Variants in USP20 observed in about 807,000 individuals in gnomAD.
The protein encoded by USP20 is ubiquitin specific peptidase 20.
Under a neutral mutation model 124.2 loss-of-function variants are expected in USP20, and 80 were observed. That is an observed-to-expected ratio of 0.64 (90% CI 0.54 to 0.78). USP20 has a LOEUF of 0.78. USP20 is among the 30% of genes least tolerant of loss of function. The pLI is 0.00. For synonymous variants in USP20, 481 were observed against 512.3 expected (o/e 0.94, Z 0.83); for missense variants, 1,043 against 1,244.4 (o/e 0.84, Z 2.44).
At position 129,868,289 on chromosome 9, in the gene USP20, G is replaced by A. The variant is rs747364492; in HGVS notation, c.975G>A (p.Glu325=). ...DEAGRAISEK[E]RMKDRKFSWG... ...CGGGCCGAGCCATCTCTGAGAAGGA[G>A]CGGATGAAGGACCGCAAGTTCTCCT... The change falls in exon 11 of 26, where the codon GAG becomes GAA. Residue 325 remains glutamate (E), a synonymous_variant. Transcript: ENST00000372429. 16 of 1,614,028 alleles carry A rather than the reference G, an allele frequency of 9.9e-6. No homozygotes were observed. Among genetic ancestry groups the A allele is most frequent in the Non-Finnish European group, 1.4e-5 (16 of 1,179,984 alleles).
chr9:129,846,170 C>T (rs959729927), intron 1 of USP20, among the ~76,000 whole-genome samples: 1 of 149,824 alleles, frequency 6.7e-6, no homozygotes, highest in African/African-American at 2.5e-5. Flanking sequence ...ACCTCATGGT[C>T]CTCCCGCCTC....
At chr9:129,860,518 C>G (rs554374315) in intron 6 of USP20, among the ~76,000 whole-genome samples, 1 of 152,108 alleles carries the variant, frequency 6.6e-6, no homozygotes, top group African/African-American at 2.4e-5. Flanking sequence ...TATCCTAACA[C>G]TTTGGGAGGA....
At chr9:129,860,115 G>A (rs2033459670) in intron 6 of USP20, among the ~76,000 whole-genome samples, 1 of 152,088 alleles carries the variant, frequency 6.6e-6, no homozygotes, top group South Asian at 2.1e-4. Flanking sequence ...CAGATCACGA[G>A]GTCAGGAGAT....
At chr9:129,846,248 T>TATATATATATATATA (rs1491285186) in intron 1 of USP20, among the ~76,000 whole-genome samples, 7 of 40,606 alleles carry the variant, frequency 1.7e-4, no homozygotes, top group South Asian at 1.5e-3. Context: ...TATATATATA[T>TATATATATATATATA]TTTTTTTTTT....
At chr9:129,871,298 T>C (rs1431583223) in intron 15 of USP20, among the ~76,000 whole-genome samples, 1 of 150,840 alleles carries the variant, frequency 6.6e-6, no homozygotes, top group Non-Finnish European at 1.5e-5. Flanking sequence ...CGGCTTTTAC[T>C]GAGCATAACG....
rs1411344792 is a variant in USP20 at position 129,874,973 on chromosome 9, C to A, written c.2048+18C>A. On this transcript the variant is annotated intron_variant, in intron 19 of 25. Coordinates refer to ENST00000372429, the MANE Select transcript of USP20 (RefSeq NM_001110303.4). The stretch of plus-strand genomic sequence containing the variant: ...TTCTACAGGTGGGCGCTGGGCCAGG[C>A]CTGGTGGAGGAACCTCACCATCCCC... 1.9e-6 allele frequency: 3 copies of A among 1,611,286 alleles called. No individual in the cohort carries two copies. The highest frequency in any genetic ancestry group is 2.5e-6 in the Non-Finnish European group (3 of 1,179,026).
At chr9:129,872,658 C>T (rs1217082489) in intron 15 of USP20, among the ~76,000 whole-genome samples, 1 of 152,088 alleles carries the variant, frequency 6.6e-6, no homozygotes, top group Non-Finnish European at 1.5e-5. Context: ...AGTTTTAGGT[C>T]TTATATTGAG....
At chr9:129,852,413 C>A in intron 2 of USP20, 127 bp from the exon 3 acceptor site, 1 of 731,028 alleles carries the variant, frequency 1.4e-6, no homozygotes, top group South Asian at 1.8e-5. Flanking sequence ...AGCAACTTCC[C>A]TGCGTTACCA....
chr9:129,852,497 C>T (rs759913538), intron 2 of USP20, 43 bp from the exon 3 acceptor site: 8 of 1,537,588 alleles, frequency 5.2e-6, no homozygotes, highest in Non-Finnish European at 7.1e-6. Context: ...CTCCTGCCAA[C>T]ACTGGCTGCC....
In USP20 at chr9:129,868,954, C is replaced by A; in HGVS notation, c.1228C>A (p.Pro410Thr). 1 of 1,612,876 alleles carries A rather than the reference C, an allele frequency of 6.2e-7. No homozygotes were observed. Among genetic ancestry groups the A allele is most frequent in the Non-Finnish European group, 8.5e-7 (1 of 1,179,392 alleles). ...CCATGCCAAGCTGTCTAGCAGCCCC[C>A]CTCGTGCAAGCCCCGTGAGGATGGC... is the stretch of plus-strand genomic sequence containing the variant. ...EGHAKLSSSP[P>T]RASPVRMAPS... is the part of the protein sequence containing the mutation. Residue 410 changes from proline (P) to threonine (T), a missense_variant, in exon 12 of 26, where the codon CCT becomes ACT. Transcript: ENST00000372429.
At position 129,870,546 on chromosome 9, in the gene USP20, G is replaced by T. The variant is rs201027017; in HGVS notation, c.1659G>T (p.Lys553Asn). 155 of 1,614,026 alleles carry T rather than the reference G, an allele frequency of 9.6e-5. No individual in the cohort carries two copies. The highest frequency in any genetic ancestry group is 1.2e-4 in the Non-Finnish European group (145 of 1,180,012). ...LAAFFAADEL[K>N]GDNMYSCERC... ...CCTTCTTTGCCGCTGATGAGTTAAA[G>T]GGTGAGGGGCCTGGCTGGCAAGGGT... is the stretch of plus-strand genomic sequence containing the variant. Residue 553 changes from lysine (K) to asparagine (N), a missense_variant and splice_region_variant, in exon 15 of 26, where the codon AAG (lysine) becomes AAT (asparagine). Transcript: ENST00000372429.
intron 10 of USP20, 125 bp from the exon 11 acceptor site, chr9:129,867,880 C>T (rs977350039): frequency 3.3e-6 from 4 of 1,220,994 alleles, no homozygotes; most frequent in Admixed American, 2.7e-5. Flanking sequence ...GTGAGCAACT[C>T]TTCTGCAGGG....
Position 129,858,557 on chromosome 9 carries a change from G to C in USP20, c.289G>C (p.Ala97Pro), listed in dbSNP as rs1433835611. ...EKEVFLEQRL[A>P]APLLGSSSKF... ...GGAGGTATTCCTGGAGCAGCGGCTG[G>C]CAGCCCCTCTGCTGGGCTCCTCTTC... Residue 97 changes from alanine to proline, a missense_variant, in exon 6 of 26, where the codon GCA (alanine) becomes CCA (proline). Ala to Pro is a conservative substitution (Grantham distance 27, BLOSUM62 -1). Transcript: ENST00000372429. 4 of 1,614,170 alleles carry C rather than the reference G, an allele frequency of 2.5e-6. No homozygotes were observed. Among genetic ancestry groups the C allele is most frequent in the Non-Finnish European group, 2.5e-6 (3 of 1,180,012 alleles).
intron 9 of USP20, 78 bp from the exon 10 acceptor site, chr9:129,865,225 G>A (rs371391282): frequency 1.2e-5 from 18 of 1,489,354 alleles, no homozygotes; most frequent in African/African-American, 4.1e-5. Flanking sequence ...CCAGCCTGAC[G>A]GGCTGGCTGC....
rs576888574 is a variant in USP20, at chr9:129,850,906, G to A, written c.-17+982G>A. 1.9e-4 allele frequency among the ~76,000 whole-genome samples: 29 copies of A among 152,072 alleles called. 1 individual carries two copies. In the East Asian group the frequency reaches 5.0e-3, roughly 26 times the overall value. On this transcript the variant is annotated intron_variant, in intron 2 of 25. Transcript: ENST00000372429. ...TGACCTCAGGTGATCTGCCCGCCTC[G>A]GCCTCCCAAAGTGCTAGGATTACAG...
At chr9:129,872,895 A>C (rs7848326) in intron 15 of USP20, among the ~76,000 whole-genome samples, 144,665 of 151,836 alleles carry the variant, frequency 0.95, 69,316 homozygotes, top group East Asian at 1. Flanking sequence ...TGCACTTCCC[A>C]CCCCACCTCC....
At chr9:129,864,920 T>C (rs1275645945) in intron 9 of USP20, among the ~76,000 whole-genome samples, 8 of 152,210 alleles carry the variant, frequency 5.3e-5, no homozygotes, top group Admixed American at 3.3e-4. Flanking sequence ...TCTGGTGCCA[T>C]TGGTGGTGGT....
chr9:129,869,971 C>T, intron 14 of USP20, 127 bp downstream of exon 14: 1 of 1,162,828 alleles, frequency 8.6e-7, no homozygotes, highest in Non-Finnish European at 1.2e-6. Flanking sequence ...GAGCTGGGGG[C>T]CGAAGCCTGC....
chr9:129,859,605 G>T (rs2033429762), intron 6 of USP20, among the ~76,000 whole-genome samples: 1 of 152,026 alleles, frequency 6.6e-6, no homozygotes. Flanking sequence ...ACATGATAGG[G>T]CTCAATATTG....
Sources: allele counts gnomAD v4.1 joint callset (sites outside exome capture counted in the v4.1 genomes callset), GRCh38; gene constraint gnomAD v4.1.1; transcripts MANE v1.5; gene names NCBI Gene and HGNC (gene_info 2026-07-23, HGNC 2026-07-21).